Variants in IQSEC2 observed in about 807,000 individuals in gnomAD.
IQSEC2 encodes IQ motif and Sec7 domain ArfGEF 2, also known as IQ motif and SEC7 domain-containing protein 2.
In IQSEC2, 6 loss-of-function variants were observed where a neutral mutation model predicts 74.6. That is an observed-to-expected ratio of 0.08 (90% CI 0.04 to 0.16). The LOEUF is 0.16. IQSEC2 is among the 10% of genes least tolerant of loss of function. The pLI, the probability that IQSEC2 is intolerant of heterozygous loss-of-function variation, is 1.00. For missense variants in IQSEC2, 734 were observed against 1,306.2 expected, an observed-to-expected ratio of 0.56 and a Z score of 6.75; for synonymous variants, 494 against 544.5, an observed-to-expected ratio of 0.91 and a Z score of 1.29.
chrX:53,297,621 C>T (rs2075166588), intron 1 of IQSEC2, among the ~76,000 whole-genome samples: 1 of 112,019 alleles, frequency 8.9e-6, no homozygotes, highest in South Asian at 3.8e-4. Flanking sequence ...GCCACCGTGC[C>T]CAGCCTGATT....
intron 1 of IQSEC2, among the ~76,000 whole-genome samples, chrX:53,312,188 C>G (rs1400675404): frequency 9.0e-6 from 1 of 111,300 alleles, no homozygotes; most frequent in Non-Finnish European, 1.9e-5. Context: ...CCAATTCCCA[C>G]CAACCCACAT....
intron 5 of IQSEC2, among the ~76,000 whole-genome samples, chrX:53,249,531 C>A (rs1556862772): frequency 8.9e-6 from 1 of 112,011 alleles, no homozygotes; most frequent in East Asian, 2.8e-4. Flanking sequence ...TTCTCCAAGC[C>A]TTGGTTCCTT....
intron 5 of IQSEC2, among the ~76,000 whole-genome samples, chrX:53,249,211 C>T (rs2074349928): frequency 1.8e-5 from 2 of 111,595 alleles, no homozygotes; most frequent in Non-Finnish European, 1.9e-5. Flanking sequence ...CAGCAAGAAC[C>T]GAGGAGAGGG....
At chrX:53,241,680 C>T (rs1221460455) in intron 10 of IQSEC2, 104 bp downstream of exon 10, 6 of 1,102,024 alleles carry the variant, frequency 5.4e-6, no homozygotes, top group East Asian at 3.1e-5. Flanking sequence ...ACACCTCGCC[C>T]GCCACACTCC....
chrX:53,280,965 G>C (rs12353709), intron 2 of IQSEC2, among the ~76,000 whole-genome samples: 20 of 112,577 alleles, frequency 1.8e-4, no homozygotes, highest in African/African-American at 6.1e-4. Flanking sequence ...ACATGGCTGC[G>C]GGCCAGGCCA....
chrX:53,266,470 T>C (rs1486389631), intron 2 of IQSEC2: 17 of 754,139 alleles, frequency 2.3e-5, no homozygotes, highest in Non-Finnish European at 2.5e-5. Context: ...GTGGAGGAGA[T>C]GGCAGCAATG....
chrX:53,258,409 G>A (rs943485179), intron 2 of IQSEC2, among the ~76,000 whole-genome samples: 6 of 111,967 alleles, frequency 5.4e-5, no homozygotes, highest in Admixed American at 1.9e-4. Context: ...CTGGAACAGA[G>A]TAGGTGCTCA....
At chrX:53,292,573 C>T (rs1384123118) in intron 1 of IQSEC2, among the ~76,000 whole-genome samples, 2 of 111,811 alleles carry the variant, frequency 1.8e-5, no homozygotes, top group Non-Finnish European at 3.8e-5. Context: ...ATGAGTCAGC[C>T]GCTGGGCTCC....
chrX:53,274,452 C>CCT (rs2074791930), intron 2 of IQSEC2, among the ~76,000 whole-genome samples: 1 of 47,113 alleles, frequency 2.1e-5, no homozygotes, highest in Non-Finnish European at 3.3e-5. Flanking sequence ...AGTTACATTT[C>CCT]TTTTTTTTTT....
intron 2 of IQSEC2, among the ~76,000 whole-genome samples, chrX:53,269,506 T>G (rs1556868283): frequency 1.8e-5 from 2 of 110,905 alleles, no homozygotes; most frequent in African/African-American, 6.6e-5. Context: ...TCTCCCCCTC[T>G]GTTGCCTCCT....
downstream of IQSEC2, chrX:53,226,154 T>A (rs782433556): frequency 7.1e-5 from 8 of 112,909 alleles, no homozygotes; most frequent in Non-Finnish European, 1.5e-4. Context: ...GTACCAACTG[T>A]ATGTACATTT....
At chrX:53,252,545 G>A (rs2074408091) in intron 4 of IQSEC2, among the ~76,000 whole-genome samples, 1 of 111,133 alleles carries the variant, frequency 9.0e-6, no homozygotes, top group Non-Finnish European at 1.9e-5. Context: ...GTCCTATGGA[G>A]AGGCCCACAG....
chrX:53,310,039 A>G (rs1445971311), intron 1 of IQSEC2, among the ~76,000 whole-genome samples: 1 of 111,546 alleles, frequency 9.0e-6, no homozygotes, highest in Non-Finnish European at 1.9e-5. Context: ...CATCGAAATT[A>G]TCTATTTACG....
chrX:53,236,411 G>T lies in IQSEC2; in HGVS notation c.3362C>A (p.Ala1121Asp), dbSNP rs781964002. ...GAKDSVNGTM[A>D]RSSLEDTYGA... ...GTAAGTGTCCTCCAGGCTACTGCGG[G>T]CCATCGTCCCATTCACTGAGTCCTT... Residue 1121 changes from alanine (A) to aspartate (D), a missense_variant, in exon 13 of 15, where the codon GCC becomes GAC. Coordinates refer to ENST00000642864, the MANE Select transcript of IQSEC2 (RefSeq NM_001111125.3). 5 of 1,205,253 alleles carry T rather than the reference G, an allele frequency of 4.1e-6. No homozygotes were observed. The highest frequency in any genetic ancestry group is 5.6e-6 in the Non-Finnish European group (5 of 891,924).
intron 10 of IQSEC2, among the ~76,000 whole-genome samples, chrX:53,241,002 C>T (rs1275303499): frequency 3.6e-5 from 4 of 112,108 alleles, no homozygotes; most frequent in Non-Finnish European, 5.6e-5. Flanking sequence ...TCTTGAACTC[C>T]TGACCTCAGG....
Position 53,254,603 on chromosome X carries a change from C to T in IQSEC2, c.1328G>A (p.Gly443Asp), listed in dbSNP as rs1268508891. 1.7e-6 allele frequency: 2 copies of T among 1,193,369 alleles called. No homozygotes were observed. Among genetic ancestry groups the T allele is most frequent in the Non-Finnish European group, 2.3e-6 (2 of 887,009 alleles). Residue 443 changes from glycine (G) to aspartate (D), a missense_variant, in exon 4 of 15, where the codon GGT (glycine) becomes GAT (aspartate). This residue lies in a region of IQSEC2 where 204 missense variants were observed against 305.4 expected (regional missense o/e 0.67). Transcript: ENST00000642864. ...TCCAGATGTGGTGACGGAGCTTCCA[C>T]CACCATCGATGCCCCCACCACAGGA... ...GGSCGGGIDG[G>D]GSSVTTSGEF...
chrX:53,229,010 G>A (rs1404294614), downstream of IQSEC2: 2 of 112,612 alleles, frequency 1.8e-5, no homozygotes, highest in African/African-American at 3.2e-5. Context: ...TAAATAAAGT[G>A]AGAGAAAAGG....
chrX:53,264,510 G>A (rs1351052884), intron 2 of IQSEC2, among the ~76,000 whole-genome samples: 2 of 97,213 alleles, frequency 2.1e-5, no homozygotes, highest in African/African-American at 7.9e-5. Context: ...TGGTCTCCTC[G>A]TCCCCAGCCC....
At chrX:53,305,819 ATCTGTC>A (rs1343494494) in intron 1 of IQSEC2, among the ~76,000 whole-genome samples, 5 of 110,379 alleles carry the variant, frequency 4.5e-5, no homozygotes, top group Non-Finnish European at 9.5e-5. Context: ...CCTCTCCCTC[ATCTGTC>A]TCCTGTCTCC....
Sources: allele counts gnomAD v4.1 joint callset (sites outside exome capture counted in the v4.1 genomes callset), GRCh38; gene constraint gnomAD v4.1.1; regional missense constraint gnomAD v4.1.1; transcripts MANE v1.5; gene names NCBI Gene and HGNC (gene_info 2026-07-23, HGNC 2026-07-21).